RPH3A: variants seen among roughly 807,000 people sequenced by gnomAD.
The protein encoded by RPH3A is rabphilin-3A.
A neutral mutation model predicts 102.2 loss-of-function variants in RPH3A; 48 were observed. That is an observed-to-expected ratio of 0.47 (90% CI 0.37 to 0.60). RPH3A has a LOEUF of 0.60. Ranked by LOEUF, RPH3A falls within the 20% of genes least tolerant of loss-of-function variation. The probability of loss-of-function intolerance (pLI) is 0.00; values close to 1 mark genes in which losing one functional copy is unlikely to be tolerated. For synonymous variants in RPH3A, 310 were observed against 324.3 expected, an observed-to-expected ratio of 0.96 and a Z score of 0.47; for missense variants, 781 against 910.1, an observed-to-expected ratio of 0.86 and a Z score of 1.83.
At chr12:112,795,148 T>C (rs1188687529) in intron 2 of RPH3A, among the ~76,000 whole-genome samples, 1 of 152,210 alleles carries the variant, frequency 6.6e-6, no homozygotes, top group Non-Finnish European at 1.5e-5. Context: ...TGTGACATTA[T>C]GCTTTAACTC....
At chr12:112,852,931 G>A (rs780688996) in intron 5 of RPH3A, among the ~76,000 whole-genome samples, 3 of 152,130 alleles carry the variant, frequency 2.0e-5, no homozygotes, top group Admixed American at 6.5e-5. Context: ...CTGGCAGTTG[G>A]GTGGCTTCCA....
intron 1 of RPH3A, among the ~76,000 whole-genome samples, chr12:112,781,784 T>C (rs2041010685): frequency 6.6e-6 from 1 of 152,256 alleles, no homozygotes; most frequent in Non-Finnish European, 1.5e-5. Context: ...AAGACATGGC[T>C]TCTGTCCTCA....
rs1004749169 is a variant in RPH3A, at chr12:112,898,164, T to G, written c.*1384T>G. 2 of 152,216 alleles carry G rather than the reference T, an allele frequency of 1.3e-5. No individual in the cohort carries two copies. The highest frequency in any genetic ancestry group is 4.8e-5 in the African/African-American group (2 of 41,452). 9.4% of individuals were successfully genotyped at this position (152,216 alleles called of 1,614,324 possible). On this transcript the variant is annotated 3_prime_UTR_variant, in exon 22 of 22. Transcript: ENST00000389385. ...ATGGAACAGTAGAGAGAGACAGGCC[T>G]GATGCCAAAGGCTTTGGGCTCATCA...
intron 1 of RPH3A, among the ~76,000 whole-genome samples, chr12:112,663,656 C>T (rs1043269087): frequency 2.0e-5 from 3 of 152,070 alleles, no homozygotes; most frequent in Non-Finnish European, 2.9e-5. Flanking sequence ...TGTGCCTGGC[C>T]CCATAAATTC....
At chr12:112,879,686 G>C (rs1288950624) in intron 14 of RPH3A, among the ~76,000 whole-genome samples, 1 of 152,202 alleles carries the variant, frequency 6.6e-6, no homozygotes, top group Non-Finnish European at 1.5e-5. Context: ...TGCAGGCCCT[G>C]GGGGAGTGAG....
intron 1 of RPH3A, among the ~76,000 whole-genome samples, chr12:112,737,782 A>T (rs1311635790): frequency 6.6e-6 from 1 of 152,202 alleles, no homozygotes; most frequent in African/African-American, 2.4e-5. Context: ...CAATAACTGG[A>T]AAAAGACTGG....
intron 1 of RPH3A, among the ~76,000 whole-genome samples, chr12:112,702,861 A>G (rs2040404447): frequency 6.6e-6 from 1 of 152,240 alleles, no homozygotes; most frequent in Non-Finnish European, 1.5e-5. Context: ...AGGTTAATTC[A>G]ACAGTGATGG....
intron 1 of RPH3A, among the ~76,000 whole-genome samples, chr12:112,769,444 G>A (rs1415222023): frequency 1.3e-5 from 2 of 152,198 alleles, no homozygotes; most frequent in Non-Finnish European, 2.9e-5. Flanking sequence ...TAAAGCTGAC[G>A]TGGAAGTTAA....
chr12:112,844,350 G>A (rs1445691816), intron 4 of RPH3A, among the ~76,000 whole-genome samples: 3 of 152,206 alleles, frequency 2.0e-5, no homozygotes. Flanking sequence ...AGGAAATGTA[G>A]GCAGCCTCTG....
intron 2 of RPH3A, among the ~76,000 whole-genome samples, chr12:112,799,254 G>A (rs2041293879): frequency 6.6e-6 from 1 of 152,156 alleles, no homozygotes; most frequent in Admixed American, 6.5e-5. Context: ...TGGGCATGGT[G>A]GCACACACCT....
At chr12:112,858,266 CAAAAAAAAAAA>C (rs1164602599) in intron 5 of RPH3A, among the ~76,000 whole-genome samples, 61 of 44,782 alleles carry the variant, frequency 1.4e-3, no homozygotes, top group East Asian at 6.4e-3. Flanking sequence ...GACCCTGTCT[CAAAAAAAAAAA>C]AAAAAAAAAA....
chr12:112,725,407 G>A (rs2040581072), intron 1 of RPH3A, among the ~76,000 whole-genome samples: 1 of 152,176 alleles, frequency 6.6e-6, no homozygotes, highest in South Asian at 2.1e-4. Flanking sequence ...AAGGAAAGGA[G>A]CGTTTGTGAT....
intron 5 of RPH3A, among the ~76,000 whole-genome samples, chr12:112,858,404 G>C (rs1322094934): frequency 1.3e-5 from 2 of 151,326 alleles, no homozygotes; most frequent in Non-Finnish European, 2.9e-5. Context: ...ACCCTGCATG[G>C]AGTGGTCCCT....
intron 16 of RPH3A, 35 bp from the exon 17 acceptor site, chr12:112,887,762 C>T: frequency 1.9e-6 from 3 of 1,605,818 alleles, no homozygotes; most frequent in Non-Finnish European, 2.6e-6. Context: ...ATATTTGTTC[C>T]TGTTTCTCTC....
At chr12:112,890,807 C>A in intron 18 of RPH3A, 42 bp from the exon 19 acceptor site, 1 of 1,599,822 alleles carries the variant, frequency 6.3e-7, no homozygotes, top group East Asian at 2.3e-5. Flanking sequence ...TTTCCTGGCC[C>A]CCTCCCCTCC....
intron 1 of RPH3A, among the ~76,000 whole-genome samples, chr12:112,665,929 G>A (rs1294354935): frequency 1.3e-5 from 2 of 152,186 alleles, no homozygotes; most frequent in African/African-American, 2.4e-5. Flanking sequence ...CCACTGCAAA[G>A]CCTTCCTGAG....
At chr12:112,779,227 G>T (rs925034404) in intron 1 of RPH3A, among the ~76,000 whole-genome samples, 1 of 152,348 alleles carries the variant, frequency 6.6e-6, no homozygotes. Context: ...GGCTGGGAGC[G>T]AGTGTCCTAG....
In RPH3A at chr12:112,836,471, C is replaced by A. The variant is rs1440171853; in HGVS notation, c.72-20C>A. 10 of 1,324,836 alleles carry A rather than the reference C, an allele frequency of 7.5e-6. No individual in the cohort carries two copies. The highest frequency in any genetic ancestry group is 1.5e-5 in the African/African-American group (1 of 67,684). 82.1% of individuals were successfully genotyped at this position (1,324,836 alleles called of 1,614,324 possible). A position where few individuals can be genotyped will look rare whatever the true frequency, so the allele number is the denominator to read the frequency against. ...ACTTTATTCATTTTTTCTTTCTCTC[C>A]TTTCTCTGCCTTCCTTCAGTGATAA... On this transcript the variant is annotated intron_variant, in intron 3 of 21. Transcript: ENST00000389385.
At chr12:112,860,936 A>G (rs2042500732) in intron 5 of RPH3A, among the ~76,000 whole-genome samples, 1 of 152,224 alleles carries the variant, frequency 6.6e-6, no homozygotes, top group South Asian at 2.1e-4. Context: ...AAAATTTTAT[A>G]ATTCTATGGC....
Sources: gnomAD v4.1 joint callset for allele counts (sites outside exome capture counted in the v4.1 genomes callset) on GRCh38, gnomAD v4.1.1 for gene constraint, MANE v1.5 for transcripts, NCBI Gene and HGNC (gene_info 2026-07-23, HGNC 2026-07-21) for gene names.